Variants in JAKMIP3 observed in about 807,000 individuals in gnomAD.
The protein encoded by JAKMIP3 is janus kinase and microtubule-interacting protein 3.
In JAKMIP3, 58 loss-of-function variants were observed where a neutral mutation model predicts 118.5. The ratio of observed to expected loss-of-function variants is 0.49; its 90% CI spans 0.40 to 0.61. JAKMIP3 has a LOEUF of 0.61. Ranked by LOEUF, JAKMIP3 falls within the 20% of genes least tolerant of loss-of-function variation. The pLI is 0.00. For missense variants in JAKMIP3, 950 were observed against 1,109.0 expected (o/e 0.86, Z 2.04); for synonymous variants, 486 against 451.2 (o/e 1.08, Z -0.98).
At chr10:132,080,160 A>G (rs1300530702) in intron 1 of JAKMIP3, among the ~76,000 whole-genome samples, 1 of 152,224 alleles carries the variant, frequency 6.6e-6, no homozygotes, top group African/African-American at 2.4e-5. Context: ...CCTGGGCAAC[A>G]GTGTGAGACC....
At chr10:132,098,862 C>T (rs1394180056) in intron 1 of JAKMIP3, among the ~76,000 whole-genome samples, 2 of 152,224 alleles carry the variant, frequency 1.3e-5, no homozygotes, top group Non-Finnish European at 2.9e-5. Flanking sequence ...CCTGGGTCCT[C>T]CTTCCTCCTG....
chr10:132,037,887 A>T (rs2037565812), intron 1 of JAKMIP3, among the ~76,000 whole-genome samples: 1 of 152,236 alleles, frequency 6.6e-6, no homozygotes, highest in Non-Finnish European at 1.5e-5. Flanking sequence ...CTGGGGCTGT[A>T]GAGAACAGCA....
At position 132,168,175 on chromosome 10, in the gene JAKMIP3, G is replaced by C; in HGVS notation, c.*245G>C. The C allele has an allele frequency of 7.8e-7, 1 of 1,287,230 alleles. No individual in the cohort carries two copies. Among genetic ancestry groups the C allele is most frequent in the Non-Finnish European group, 1.0e-6 (1 of 987,546 alleles). 79.7% of individuals were successfully genotyped at this position (1,287,230 alleles called of 1,614,324 possible). A position where few individuals can be genotyped will look rare whatever the true frequency, so the allele number is the denominator to read the frequency against. The stretch of plus-strand genomic sequence containing the variant: ...GCCGACTTCTCGGGGGCTTCTCCGG[G>C]ACGGGCCTGGCCTTGGCTGCTGGAC... On this transcript the variant is annotated 3_prime_UTR_variant, in exon 23 of 24. Transcript: ENST00000684848.
intron 11 of JAKMIP3, 53 bp from the exon 12 acceptor site, chr10:132,145,054 G>A: frequency 6.7e-7 from 1 of 1,488,652 alleles, no homozygotes; most frequent in Non-Finnish European, 9.2e-7. Flanking sequence ...TGTGTGTGCT[G>A]TCTGTCCCAG....
At chr10:132,101,233 A>G (rs966290913) in intron 1 of JAKMIP3, among the ~76,000 whole-genome samples, 4 of 152,142 alleles carry the variant, frequency 2.6e-5, no homozygotes, top group Non-Finnish European at 1.5e-5. Flanking sequence ...CCAAAGTGGA[A>G]ATCCATACAT....
At chr10:132,138,524 T>G (rs577582679) in intron 9 of JAKMIP3, among the ~76,000 whole-genome samples, 2 of 152,246 alleles carry the variant, frequency 1.3e-5, no homozygotes, top group Non-Finnish European at 2.9e-5. Flanking sequence ...TTAGTAGGAA[T>G]CAGTCTTTGG....
At chr10:132,055,360 A>G (rs1590010460) in intron 1 of JAKMIP3, among the ~76,000 whole-genome samples, 1 of 152,366 alleles carries the variant, frequency 6.6e-6, no homozygotes, top group African/African-American at 2.4e-5. Context: ...TCATGCAGGC[A>G]GGTCACGTTG....
At chr10:132,129,627 G>A (rs1302800385) in intron 3 of JAKMIP3, among the ~76,000 whole-genome samples, 7 of 152,186 alleles carry the variant, frequency 4.6e-5, no homozygotes, top group Non-Finnish European at 1.5e-5. Context: ...AACGTTAGGG[G>A]AGGCGGGGCC....
intron 2 of JAKMIP3, among the ~76,000 whole-genome samples, chr10:132,110,975 G>A (rs1231047064): frequency 6.6e-6 from 1 of 152,272 alleles, no homozygotes; most frequent in Non-Finnish European, 1.5e-5. Context: ...GCACAGCAGG[G>A]CCCCTGATGC....
At chr10:132,134,934 G>T in intron 4 of JAKMIP3, 107 bp from the exon 5 acceptor site, 1 of 1,367,106 alleles carries the variant, frequency 7.3e-7, no homozygotes, top group African/African-American at 1.4e-5. Flanking sequence ...GGAGGTAAAG[G>T]CGCGCGTCCC....
chr10:132,075,923 AGGTCTGT>A (rs76462649), intron 1 of JAKMIP3, among the ~76,000 whole-genome samples: 63,433 of 151,840 alleles, frequency 0.42, 13,468 homozygotes, highest in Admixed American at 0.56. Flanking sequence ...TTTGTAGTGT[AGGTCTGT>A]GGGCCACAAC....
intron 14 of JAKMIP3, among the ~76,000 whole-genome samples, chr10:132,148,281 C>A (rs925357306): frequency 6.6e-6 from 1 of 152,154 alleles, no homozygotes; most frequent in Non-Finnish European, 1.5e-5. Context: ...AGGCAGGGAC[C>A]ACCTCTTCAT....
chr10:132,088,756 G>T (rs909201375), intron 1 of JAKMIP3, among the ~76,000 whole-genome samples: 1 of 152,074 alleles, frequency 6.6e-6, no homozygotes, highest in Non-Finnish European at 1.5e-5. Context: ...CATTGCTTTT[G>T]GTGTTTTAGA....
chr10:132,091,047 A>G (rs1008949699), intron 1 of JAKMIP3, among the ~76,000 whole-genome samples: 3 of 152,218 alleles, frequency 2.0e-5, no homozygotes, highest in African/African-American at 7.2e-5. Flanking sequence ...CCCAGTAGTC[A>G]TTCAGGAGCG....
Position 132,164,241 on chromosome 10 carries a change from G to T in JAKMIP3, c.2425-429G>T, listed in dbSNP as rs76344010. 4.9e-3 allele frequency among the ~76,000 whole-genome samples: 751 copies of T among 152,272 alleles called. 5 individuals carry two copies. The highest frequency in any genetic ancestry group is 0.017 in the African/African-American group (702 of 41,546). ...TGCAACCCCTTTGCTGCCTCAGAGGGGCTGTGGTTGGAGCTCGGATGCTTG... is the reference window on the plus strand; with the variant it reads ...TGCAACCCCTTTGCTGCCTCAGAGGTGCTGTGGTTGGAGCTCGGATGCTTG... On this transcript the variant is annotated intron_variant, in intron 20 of 23. Transcript: ENST00000684848.
At chr10:132,152,937 G>A (rs898682986) in intron 16 of JAKMIP3, 21 bp from the exon 17 acceptor site, 2 of 1,589,586 alleles carry the variant, frequency 1.3e-6, no homozygotes, top group African/African-American at 2.7e-5. Context: ...GACCGCACCT[G>A]TGTTCTGCTT....
upstream of JAKMIP3, among the ~76,000 whole-genome samples, chr10:132,060,445 T>TA (rs2038359919): frequency 1.3e-5 from 2 of 152,102 alleles, no homozygotes; most frequent in Admixed American, 6.5e-5. Flanking sequence ...TTTACAATTT[T>TA]AAAAAAATGG....
At chr10:132,074,881 A>C (rs1297892076) in intron 1 of JAKMIP3, among the ~76,000 whole-genome samples, 1 of 152,130 alleles carries the variant, frequency 6.6e-6, no homozygotes, top group Non-Finnish European at 1.5e-5. Flanking sequence ...GTCCAGTTTC[A>C]TTCTTCTGAA....
chr10:132,145,261 C>T (rs1157001428), intron 12 of JAKMIP3, 71 bp downstream of exon 12: 1 of 1,267,652 alleles, frequency 7.9e-7, no homozygotes, highest in African/African-American at 1.5e-5. Flanking sequence ...TACCTAAAGA[C>T]AAGCTTCAGT....
Sources: allele counts gnomAD v4.1 joint callset (sites outside exome capture counted in the v4.1 genomes callset), GRCh38; gene constraint gnomAD v4.1.1; transcripts MANE v1.5; gene names NCBI Gene and HGNC (gene_info 2026-07-23, HGNC 2026-07-21).